MACF1: variants seen among roughly 807,000 people sequenced by gnomAD.
The protein encoded by MACF1 is microtubule-actin cross-linking factor 1.
MACF1 carries 193 observed loss-of-function variants against 854.8 expected under a neutral mutation model. That is an observed-to-expected ratio of 0.23 (90% CI 0.20 to 0.25). The LOEUF is 0.25. MACF1 is among the 10% of genes least tolerant of loss of function. The pLI, the probability that MACF1 is intolerant of heterozygous loss-of-function variation, is 1.00. For missense variants in MACF1, 7,722 were observed against 8,929.1 expected, an observed-to-expected ratio of 0.86 and a Z score of 5.45; for synonymous variants, 3,185 against 3,226.7, an observed-to-expected ratio of 0.99 and a Z score of 0.44.
Position 39,439,455 on chromosome 1 carries a change from A to C in MACF1, c.18402A>C (p.Pro6134=), listed in dbSNP as rs770657204. Residue 6134 remains proline (P), a synonymous_variant, in exon 72 of 101, where the codon CCA becomes CCC. Coordinates refer to ENST00000564288, the MANE Select transcript of MACF1 (RefSeq NM_001394062.1). ...TQDIVHDLES[P]GIDPSIIKQQ... ...ATATTGTCCATGACTTGGAAAGCCC[A>C]GGCATTGATCCTTCCATCATCAAAC... 1 of 1,614,240 alleles carries C rather than the reference A, an allele frequency of 6.2e-7. No homozygotes were observed. Among genetic ancestry groups the C allele is most frequent in the Non-Finnish European group, 8.5e-7 (1 of 1,180,034 alleles).
At chr1:39,250,240 G>A in intron 3 of MACF1, 137 bp downstream of exon 3, 1 of 503,630 alleles carries the variant, frequency 2.0e-6, no homozygotes, top group Non-Finnish European at 3.5e-6. Context: ...GAAATGTTGG[G>A]GGACTTTATT....
intron 2 of MACF1, among the ~76,000 whole-genome samples, chr1:39,157,547 C>G (rs611412): frequency 0.023 from 3,545 of 152,306 alleles, 133 homozygotes; most frequent in African/African-American, 0.08. Context: ...TTCCAGGGAT[C>G]TGACTCAATT....
At chr1:39,475,201 GA>G (rs2124177760) in intron 97 of MACF1, among the ~76,000 whole-genome samples, 1 of 152,150 alleles carries the variant, frequency 6.6e-6, no homozygotes, top group East Asian at 1.9e-4. Context: ...CCTTTTGTAG[GA>G]AAACCCTAGA....
intron 11 of MACF1, 83 bp downstream of exon 11, chr1:39,284,511 C>A (rs1193016210): frequency 7.0e-6 from 6 of 854,498 alleles, no homozygotes; most frequent in Admixed American, 5.6e-5. Context: ...TCCTTGTATT[C>A]TTTTCCCAAA....
Position 39,094,003 on chromosome 1 carries a change from T to C in MACF1, c.220+9565T>C, listed in dbSNP as rs1020106808. Among the ~76,000 whole-genome samples the C allele has an allele frequency of 2.0e-5, 3 of 149,928 alleles. No homozygotes were observed. In the East Asian group the frequency reaches 6.2e-4, roughly 31 times the overall value. ...CGCGTTGGCCAGGCTGGTCTCGAAC[T>C]CCTGACCTCAGGTGATCCACCGCCT... On this transcript the variant is annotated intron_variant, in intron 2 of 93. Coordinates refer to the MACF1 transcript ENST00000361689.
At chr1:39,383,825 C>T (rs1192610184) in intron 56 of MACF1, among the ~76,000 whole-genome samples, 3 of 151,648 alleles carry the variant, frequency 2.0e-5, no homozygotes, top group Admixed American at 1.3e-4. Flanking sequence ...GACAGTGAGC[C>T]GAGATCGCAC....
intron 6 of MACF1, among the ~76,000 whole-genome samples, chr1:39,272,324 T>G (rs1645339358): frequency 6.6e-6 from 1 of 152,178 alleles, no homozygotes; most frequent in African/African-American, 2.4e-5. Context: ...GTTCACAGGC[T>G]TGAGGACAGT....
rs1644192151 is a variant in MACF1 at position 39,444,859 on chromosome 1, T to C, written c.19605+24T>C. 3 of 1,546,898 alleles carry C rather than the reference T, an allele frequency of 1.9e-6. No homozygotes were observed. In the African/African-American group the frequency reaches 4.1e-5, roughly 21 times the overall value. ...AGGTACAGTGTATGATCCCCATGTT[T>C]GAGTAATTTGCTGAGTGATTGCATG... On this transcript the variant is annotated intron_variant, in intron 80 of 100. Transcript: ENST00000564288.
intron 1 of MACF1, among the ~76,000 whole-genome samples, chr1:39,215,789 C>T (rs1571183563): frequency 6.7e-6 from 1 of 150,168 alleles, no homozygotes; most frequent in East Asian, 2.0e-4. Flanking sequence ...GAGTCCACCT[C>T]TGAGCAGACT....
rs10489935 is a variant in MACF1, at chr1:39,440,987, A to G, written c.18448-16A>G. On this transcript the variant is annotated splice_polypyrimidine_tract_variant and intron_variant, in intron 72 of 100. Coordinates refer to ENST00000564288, the MANE Select transcript of MACF1 (RefSeq NM_001394062.1). ...TGTTTTCTATTTTGGCTTATATTCT[A>G]TTCGTTTACATGTAGACTATTAAGG... The G allele has an allele frequency of 0.023, 37,639 of 1,613,874 alleles. 1,866 individuals carry two copies. The highest frequency in any genetic ancestry group is 0.21 in the African/African-American group (15,621 of 74,938).
chr1:39,447,345 T>C, intron 80 of MACF1, 87 bp from the exon 81 acceptor site: 1 of 1,266,110 alleles, frequency 7.9e-7, no homozygotes. Context: ...TCATTTGTTG[T>C]ACAATTCATG....
At chr1:39,439,830 T>A (rs961312616) in intron 72 of MACF1, among the ~76,000 whole-genome samples, 2 of 152,112 alleles carry the variant, frequency 1.3e-5, no homozygotes, top group Non-Finnish European at 2.9e-5. Context: ...GGTTCTGAAC[T>A]CCTGACCTCA....
chr1:39,105,855 G>C lies in MACF1; in HGVS notation c.220+21417G>C, dbSNP rs993703985. ...GCGCGGGGCTTGGCCCTGAGCTGCT[G>C]CTTCTCGGGGCCAGTTTATTTACAG... On this transcript the variant is annotated intron_variant, in intron 2 of 93. Coordinates refer to the MACF1 transcript ENST00000361689. The surrounding 1 kb of genome is among the most constrained non-coding windows in gnomAD (Gnocchi z 5.9). The C allele has an allele frequency of 7.9e-6, 5 of 636,418 alleles. No homozygotes were observed. The African/African-American group carries it at 9.9e-5, about 13-fold the overall frequency. 39.4% of individuals were successfully genotyped at this position (636,418 alleles called of 1,614,324 possible). A position where few individuals can be genotyped will look rare whatever the true frequency, so the allele number is the denominator to read the frequency against.
chr1:39,360,048 TATATAC>T (rs1456740855), intron 47 of MACF1, among the ~76,000 whole-genome samples: 693 of 61,416 alleles, frequency 0.011, 2 homozygotes, highest in Non-Finnish European at 0.018. Flanking sequence ...TATATATATA[TATATAC>T]ACACACACAC....
intron 30 of MACF1, 120 bp from the exon 31 acceptor site, chr1:39,319,544 C>A: frequency 1.5e-6 from 1 of 659,336 alleles, no homozygotes; most frequent in Non-Finnish European, 2.6e-6. Context: ...TTTTAACCAC[C>A]CTTTCCAGCA....
At chr1:39,423,684 T>C (rs1045921299) in intron 60 of MACF1, among the ~76,000 whole-genome samples, 2 of 151,662 alleles carry the variant, frequency 1.3e-5, no homozygotes, top group Admixed American at 6.6e-5. Context: ...TGGTTTGATA[T>C]ACATATACGT....
chr1:39,190,407 T>G lies in MACF1; in HGVS notation c.221-40775T>G, dbSNP rs1449076097. On this transcript the variant is annotated intron_variant, in intron 2 of 93. Coordinates refer to the MACF1 transcript ENST00000361689. ...TGTGTGTGTGTTTGTTTTTGTTTTT[T>G]TTTTTTTTTTTTGATGGAATCTTGC... is the stretch of plus-strand genomic sequence containing the variant. 6.9e-4 allele frequency among the ~76,000 whole-genome samples: 97 copies of G among 139,750 alleles called. 2 individuals are homozygous for G. The East Asian group carries it at 0.01, about 15-fold the overall frequency. The allele number at this position is 139,750 out of a possible 152,430, so 91.7% of individuals were successfully genotyped here.
At chr1:39,206,578 T>C (rs1464871587) in intron 1 of MACF1, 1 of 152,206 alleles carries the variant, frequency 6.6e-6, no homozygotes, top group African/African-American at 2.4e-5. Flanking sequence ...AATGTTAATT[T>C]CATAAACAGC....
At chr1:39,426,203 A>G (rs1413359553) in intron 61 of MACF1, among the ~76,000 whole-genome samples, 1 of 152,226 alleles carries the variant, frequency 6.6e-6, no homozygotes, top group Non-Finnish European at 1.5e-5. Flanking sequence ...TGGCATAAAC[A>G]AACTAGGAAA....
Sources: gnomAD v4.1 joint callset for allele counts (sites outside exome capture counted in the v4.1 genomes callset) on GRCh38, gnomAD v4.1.1 for gene constraint, Gnocchi (gnomAD v3.1) non-coding constraint, MANE v1.5 for transcripts, NCBI Gene and HGNC (gene_info 2026-07-23, HGNC 2026-07-21) for gene names.